Variants in ATP8A2 observed in about 807,000 individuals in gnomAD.
ATP8A2 encodes the protein phospholipid-transporting ATPase IB.
A neutral mutation model predicts 165.6 loss-of-function variants in ATP8A2; 100 were observed. That is an observed-to-expected ratio of 0.60 (90% CI 0.51 to 0.71). The LOEUF (loss-of-function observed/expected upper bound fraction) is 0.71. ATP8A2 is among the 30% of genes least tolerant of loss of function. The pLI is 0.00. For synonymous variants in ATP8A2, 543 were observed against 548.8 expected (o/e 0.99, Z 0.15); for missense variants, 1,227 against 1,479.5 (o/e 0.83, Z 2.80).
intron 33 of ATP8A2, among the ~76,000 whole-genome samples, chr13:25,895,034 C>G (rs1953491020): frequency 6.6e-6 from 1 of 152,192 alleles, no homozygotes; most frequent in African/African-American, 2.4e-5. Context: ...ATTCCCTTCT[C>G]CTGCCTGATT....
At chr13:25,537,743 C>G (rs1040012160) in intron 6 of ATP8A2, among the ~76,000 whole-genome samples, 15 of 152,174 alleles carry the variant, frequency 9.9e-5, no homozygotes, top group Admixed American at 9.8e-4. Flanking sequence ...TGACTTAGCC[C>G]TTTTCTCCCT....
intron 24 of ATP8A2, among the ~76,000 whole-genome samples, chr13:25,669,577 A>G (rs979387334): frequency 6.6e-5 from 10 of 152,162 alleles, no homozygotes; most frequent in Non-Finnish European, 1.3e-4. Flanking sequence ...TGGCAGTCCT[A>G]GGCATGGATT....
At chr13:25,612,215 T>C (rs550847253) in intron 24 of ATP8A2, among the ~76,000 whole-genome samples, 12 of 152,176 alleles carry the variant, frequency 7.9e-5, no homozygotes, top group Non-Finnish European at 1.5e-4. Context: ...GTTCCTTGGG[T>C]TGTGAGCTTA....
chr13:25,733,691 T>A (rs957653448), intron 25 of ATP8A2, among the ~76,000 whole-genome samples: 8 of 152,166 alleles, frequency 5.3e-5, no homozygotes, highest in African/African-American at 1.9e-4. Flanking sequence ...TTGAAAACAT[T>A]GTATCACTTA....
intron 2 of ATP8A2, among the ~76,000 whole-genome samples, chr13:25,488,861 A>C (rs2036431619): frequency 6.9e-6 from 1 of 145,614 alleles, no homozygotes; most frequent in African/African-American, 2.5e-5. Flanking sequence ...GGAAATTCAG[A>C]TGACTCCCCC....
In ATP8A2 at chr13:25,468,981, T is replaced by C; in HGVS notation, c.81T>C (p.Pro27=). The C allele has an allele frequency of 1.2e-6, 2 of 1,613,956 alleles. No individual in the cohort carries two copies. Among genetic ancestry groups the C allele is most frequent in the Non-Finnish European group, 1.7e-6 (2 of 1,179,862 alleles). The change falls in exon 2 of 37, where the codon CCT becomes CCC. Residue 27 remains proline (P), a synonymous_variant. Coordinates refer to ENST00000381655, the MANE Select transcript of ATP8A2 (RefSeq NM_016529.6). ...RRSRIRSSVG[P]VRSSLGYKKA... ...GCCTGCGCCCTGTCTCTGCAGGACC[T>C]GTTCGTTCTTCTTTGGGCTATAAGA...
intron 1 of ATP8A2, among the ~76,000 whole-genome samples, chr13:25,420,919 C>A (rs1212232509): frequency 1.3e-5 from 2 of 152,200 alleles, no homozygotes; most frequent in East Asian, 1.9e-4. Context: ...CAGCTCTGTA[C>A]AAACCTCTAC....
chr13:25,539,090 T>TGTGC (rs2038384631), intron 7 of ATP8A2, among the ~76,000 whole-genome samples: 2 of 150,888 alleles, frequency 1.3e-5, no homozygotes, highest in South Asian at 4.2e-4. Context: ...TGTGTGTGTG[T>TGTGC]GTGTGTGTGT....
intron 2 of ATP8A2, among the ~76,000 whole-genome samples, chr13:25,519,653 A>G (rs2037596878): frequency 6.6e-6 from 1 of 152,124 alleles, no homozygotes; most frequent in African/African-American, 2.4e-5. Flanking sequence ...CTGGTCACTT[A>G]TCTCCAGCCC....
At chr13:25,801,861 A>G (rs1236797332) in intron 27 of ATP8A2, among the ~76,000 whole-genome samples, 3 of 152,084 alleles carry the variant, frequency 2.0e-5, no homozygotes, top group African/African-American at 7.2e-5. Flanking sequence ...GGAAGCATAC[A>G]TGTCCTTCTT....
At chr13:25,987,469 G>A (rs1321481923) in intron 35 of ATP8A2, among the ~76,000 whole-genome samples, 1 of 152,220 alleles carries the variant, frequency 6.6e-6, no homozygotes. Flanking sequence ...GACCTGTGAA[G>A]GACCATTTGG....
chr13:25,543,748 A>G (rs2038557447), intron 10 of ATP8A2, among the ~76,000 whole-genome samples: 1 of 152,214 alleles, frequency 6.6e-6, no homozygotes, highest in Admixed American at 6.5e-5. Context: ...AGGATTTTAT[A>G]GCAAATTGCC....
At chr13:25,983,054 G>A (rs1396514338) in intron 35 of ATP8A2, among the ~76,000 whole-genome samples, 1 of 152,108 alleles carries the variant, frequency 6.6e-6, no homozygotes, top group African/African-American at 2.4e-5. Context: ...CCATGTTTAG[G>A]TTTTATGTTT....
intron 34 of ATP8A2, among the ~76,000 whole-genome samples, chr13:25,962,072 G>C (rs182017941): frequency 1.0e-3 from 154 of 152,150 alleles, no homozygotes; most frequent in African/African-American, 3.4e-3. Context: ...ACACAAAGGA[G>C]CCCTGAGAGA....
At position 25,561,273 on chromosome 13, in the gene ATP8A2, A is replaced by C. The variant is rs112833733; in HGVS notation, c.1397+1508A>C. On this transcript the variant is annotated intron_variant, in intron 15 of 36. Transcript: ENST00000381655. ...TTCTGTGATAATTTTCCTCCTCTCCAGCTTCCCTGTTCCCTCTGCATCTCT... is the reference window on the plus strand; with the variant it reads ...TTCTGTGATAATTTTCCTCCTCTCCCGCTTCCCTGTTCCCTCTGCATCTCT... Among the ~76,000 whole-genome samples, 1,421 of 152,004 alleles carry C rather than the reference A, an allele frequency of 9.3e-3. 25 individuals are homozygous for C. Among genetic ancestry groups the C allele is most frequent in the African/African-American group, 0.033 (1,352 of 41,434 alleles).
chr13:25,400,538 A>G (rs1472852810), intron 1 of ATP8A2, among the ~76,000 whole-genome samples: 1 of 152,158 alleles, frequency 6.6e-6, no homozygotes, highest in Non-Finnish European at 1.5e-5. Flanking sequence ...CTCTCTAGTT[A>G]TTTTGAAATA....
At position 25,989,296 on chromosome 13, in the gene ATP8A2, A is replaced by C. The variant is rs141276447; in HGVS notation, c.3377+20617A>C. On this transcript the variant is annotated intron_variant, in intron 35 of 36. Coordinates refer to ENST00000381655, the MANE Select transcript of ATP8A2 (RefSeq NM_016529.6). ...GTATGGGGAAGGTTATTTTTATTGCAATTAATTTGCAGCTGAATGAGCCCA... is the reference window on the plus strand; with the variant it reads ...GTATGGGGAAGGTTATTTTTATTGCCATTAATTTGCAGCTGAATGAGCCCA... Among the ~76,000 whole-genome samples the C allele has an allele frequency of 4.2e-3, 646 of 152,268 alleles. 4 individuals are homozygous for C. The highest frequency in any genetic ancestry group is 0.027 in the Middle Eastern group (8 of 292).
At chr13:25,500,967 C>A (rs1247799653) in intron 2 of ATP8A2, among the ~76,000 whole-genome samples, 1 of 152,008 alleles carries the variant, frequency 6.6e-6, no homozygotes. Context: ...ATTTGTACGC[C>A]TTATGTATTT....
intron 25 of ATP8A2, among the ~76,000 whole-genome samples, chr13:25,738,380 GTTTAATC>G (rs1179931360): frequency 7.3e-6 from 1 of 136,472 alleles, no homozygotes; most frequent in Non-Finnish European, 1.5e-5. Context: ...AGTTGCTGTA[GTTTAATC>G]TTTAAGAAGG....
Sources: gnomAD v4.1 joint callset for allele counts (sites outside exome capture counted in the v4.1 genomes callset) on GRCh38, gnomAD v4.1.1 for gene constraint, MANE v1.5 for transcripts, NCBI Gene and HGNC (gene_info 2026-07-23, HGNC 2026-07-21) for gene names.